The following GRM1 variants were observed in gnomAD, a reference collection of about 807,000 sequenced individuals.
The protein encoded by GRM1 is metabotropic glutamate receptor 1.
GRM1 carries 33 observed loss-of-function variants against 90.9 expected under a neutral mutation model. That is an observed-to-expected ratio of 0.36 (90% CI 0.28 to 0.49). The LOEUF is 0.49. GRM1 is among the 20% of genes least tolerant of loss of function. The pLI is 0.99. For missense variants in GRM1, 1,190 were observed against 1,534.3 expected (o/e 0.78, Z 3.75); for synonymous variants, 700 against 613.2 (o/e 1.14, Z -2.09).
intron 3 of GRM1, among the ~76,000 whole-genome samples, chr6:146,351,821 G>A (rs1015756880): frequency 2.0e-5 from 3 of 152,094 alleles, no homozygotes; most frequent in Non-Finnish European, 2.9e-5. Flanking sequence ...TTTAGATAAT[G>A]CATAAATTGA....
intron 2 of GRM1, among the ~76,000 whole-genome samples, chr6:146,243,348 T>G (rs1780934282): frequency 1.3e-5 from 2 of 152,012 alleles, no homozygotes; most frequent in Admixed American, 6.6e-5. Context: ...AGCCATTACT[T>G]TAGGAGTGTT....
At chr6:146,304,888 TC>T in intron 3 of GRM1, 42 bp downstream of exon 3, 1 of 1,337,388 alleles carries the variant, frequency 7.5e-7, no homozygotes, top group Non-Finnish European at 1.1e-6. Context: ...GGTTTGGTCA[TC>T]TCTTCTAGAT....
At chr6:146,350,169 C>G (rs1206534187) in intron 3 of GRM1, among the ~76,000 whole-genome samples, 1 of 152,198 alleles carries the variant, frequency 6.6e-6, no homozygotes, top group African/African-American at 2.4e-5. Context: ...ACTAGACAAC[C>G]ACTGGCACTG....
chr6:146,214,579 G>T (rs9497486), intron 2 of GRM1, among the ~76,000 whole-genome samples: 33,439 of 152,008 alleles, frequency 0.22, 7,574 homozygotes, highest in African/African-American at 0.58. Flanking sequence ...CAATACAATA[G>T]GTCATAATTG....
chr6:146,415,993 A>G (rs1337923365), intron 7 of GRM1, among the ~76,000 whole-genome samples: 1 of 152,220 alleles, frequency 6.6e-6, no homozygotes, highest in African/African-American at 2.4e-5. Flanking sequence ...TTTGTCTGAC[A>G]TTAGTATAAC....
intron 1 of GRM1, among the ~76,000 whole-genome samples, chr6:146,139,615 T>A (rs567151240): frequency 2.6e-5 from 4 of 152,220 alleles, no homozygotes; most frequent in Non-Finnish European, 5.9e-5. Flanking sequence ...TTTTGTCCAA[T>A]ATATCTATTT....
chr6:146,359,732 T>C (rs905897201), intron 5 of GRM1, among the ~76,000 whole-genome samples: 8 of 152,190 alleles, frequency 5.3e-5, no homozygotes, highest in African/African-American at 1.9e-4. Flanking sequence ...CATTTGTCCC[T>C]GCACCTAGAC....
At chr6:146,067,728 TA>T (rs1161157601) in intron 1 of GRM1, among the ~76,000 whole-genome samples, 2 of 152,026 alleles carry the variant, frequency 1.3e-5, no homozygotes, top group Non-Finnish European at 2.9e-5. Flanking sequence ...CTTACATTCT[TA>T]AAAAAACAAA....
chr6:146,054,565 T>C (rs1775412607), intron 1 of GRM1, among the ~76,000 whole-genome samples: 1 of 152,072 alleles, frequency 6.6e-6, no homozygotes, highest in Non-Finnish European at 1.5e-5. Flanking sequence ...CTATATGCTC[T>C]TCACAGAATG....
chr6:146,113,601 C>T (rs1222086262), intron 1 of GRM1, among the ~76,000 whole-genome samples: 3 of 152,104 alleles, frequency 2.0e-5, no homozygotes, highest in African/African-American at 4.8e-5. Context: ...TAGTGCAGTA[C>T]AGCGTTTTTT....
intron 1 of GRM1, among the ~76,000 whole-genome samples, chr6:146,145,039 T>C (rs534798223): frequency 6.6e-6 from 1 of 152,288 alleles, no homozygotes; most frequent in South Asian, 2.1e-4. Context: ...ATCTAGAATA[T>C]CTGTCAGAAT....
At chr6:146,341,978 TG>T (rs1203441175) in intron 3 of GRM1, among the ~76,000 whole-genome samples, 1 of 152,224 alleles carries the variant, frequency 6.6e-6, no homozygotes, top group Non-Finnish European at 1.5e-5. Context: ...TAACCTTTTT[TG>T]TGTATTTACC....
At chr6:146,064,762 G>C (rs1176560105) in intron 1 of GRM1, among the ~76,000 whole-genome samples, 1 of 147,648 alleles carries the variant, frequency 6.8e-6, no homozygotes, top group African/African-American at 2.5e-5. Flanking sequence ...CTGCACTCCA[G>C]CCTGGGTGAC....
In GRM1 at chr6:146,399,046, G is replaced by A. The variant is rs148926588; in HGVS notation, c.2007G>A (p.Ala669=). 78 of 1,613,824 alleles carry A rather than the reference G, an allele frequency of 4.8e-5. No homozygotes were observed. Among genetic ancestry groups the A allele is most frequent in the South Asian group, 3.5e-4 (32 of 91,082 alleles). The change falls in exon 7 of 8, where the codon GCG becomes GCA. Residue 669 remains alanine (A), a synonymous_variant. Transcript: ENST00000282753. This position sits in a 1 kb window ranked among gnomAD's most constrained non-coding sequence, Gnocchi z 5.4. ...GCCTCTTGGTTGGCCTCTCCTCTGC[G>A]ATGTGCTACTCTGCTTTAGTGACTA... ...LQRLLVGLSS[A]MCYSALVTKT...
intron 2 of GRM1, among the ~76,000 whole-genome samples, chr6:146,162,899 A>G (rs1202475033): frequency 6.6e-6 from 1 of 152,286 alleles, no homozygotes; most frequent in East Asian, 1.9e-4. Flanking sequence ...TTTACTTAGT[A>G]GCTTTTTGTC....
chr6:146,159,445 G>A lies in GRM1; in HGVS notation c.798G>A (p.Gly266=), dbSNP rs767596584. 6 of 1,614,068 alleles carry A rather than the reference G, an allele frequency of 3.7e-6. No individual in the cohort carries two copies. In the Admixed American group the frequency reaches 6.7e-5, roughly 18 times the overall value. ...CTGACAAAATCTACAGCAACGCTGG[G>A]GAGAAGAGCTTTGACCGACTCTTGC... ...AHSDKIYSNA[G]EKSFDRLLRK... Residue 266 remains glycine (G), a synonymous_variant, in exon 2 of 8, where the codon GGG becomes GGA. Transcript: ENST00000282753.
At chr6:146,072,563 A>G (rs1776049773) in intron 1 of GRM1, among the ~76,000 whole-genome samples, 1 of 152,174 alleles carries the variant, frequency 6.6e-6, no homozygotes, top group African/African-American at 2.4e-5. Flanking sequence ...TTCTTTTTTT[A>G]CTGTATATAT....
chr6:146,352,327 C>A lies in GRM1; in HGVS notation c.1264C>A (p.His422Asn), dbSNP rs1276248188. The change falls in exon 4 of 8, where the codon CAT becomes AAT. Residue 422 changes from histidine (H) to asparagine (N), a missense_variant. Physicochemically the swap from His to Asn is moderately conservative, Grantham distance 68 (BLOSUM62 1). Around this residue, in one of 10 missense-constraint regions of GRM1, gnomAD observed 414 missense variants for 598.4 expected, o/e 0.69. Coordinates refer to ENST00000282753, the MANE Select transcript of GRM1 (RefSeq NM_001278064.2). ...CATCAATGCCATCTATGCCATGGCA[C>A]ATGGGCTGCAGAACATGCACCATGC... ...FVINAIYAMA[H>N]GLQNMHHALC... 1.2e-6 allele frequency: 2 copies of A among 1,613,776 alleles called. No homozygotes were observed. The highest frequency in any genetic ancestry group is 1.1e-5 in the South Asian group (1 of 91,084).
At chr6:146,241,330 G>A (rs1369075840) in intron 2 of GRM1, among the ~76,000 whole-genome samples, 2 of 152,120 alleles carry the variant, frequency 1.3e-5, no homozygotes, top group East Asian at 3.9e-4. Flanking sequence ...TGGGAACCTG[G>A]AGACTGAGAG....
Sources: gnomAD v4.1 joint callset for allele counts (sites outside exome capture counted in the v4.1 genomes callset) on GRCh38, gnomAD v4.1.1 for gene constraint, gnomAD v4.1.1 regional missense constraint, Gnocchi (gnomAD v3.1) non-coding constraint, MANE v1.5 for transcripts, NCBI Gene and HGNC (gene_info 2026-07-23, HGNC 2026-07-21) for gene names.